Variants in ZNF718 observed in about 807,000 individuals in gnomAD.
The protein encoded by ZNF718 is zinc finger protein 718.
Under a neutral mutation model 2.6 loss-of-function variants are expected in ZNF718, and 3 were observed. The ratio of observed to expected loss-of-function variants is 1.16; its 90% CI spans 0.53 to 3.01. The LOEUF (loss-of-function observed/expected upper bound fraction) is 3.01, where lower values mean the gene tolerates loss of function less well. Among genes scored for constraint, ZNF718 ranks in the 30% most tolerant of loss-of-function variants. The probability of loss-of-function intolerance (pLI) is 0.03; values close to 1 mark genes in which losing one functional copy is unlikely to be tolerated. For synonymous variants in ZNF718, 135 were observed against 77.9 expected (o/e 1.73, Z -3.86); for missense variants, 468 against 230.0 (o/e 2.03, Z -6.69).
rs1414158061 is a variant in ZNF718 at position 127,294 on chromosome 4, C to T, written c.3+2621C>T. Among the ~76,000 whole-genome samples, 21 of 104,476 alleles carry T rather than the reference C, an allele frequency of 2.0e-4. 7 individuals carry two copies. Among genetic ancestry groups the T allele is most frequent in the Non-Finnish European group, 3.8e-4 (18 of 46,780 alleles). 68.5% of individuals were successfully genotyped at this position (104,476 alleles called of 152,430 possible). ...GCAAGGTGCTCCCCAAATCTGCAAACAAAATAGTCTCTCTATTTGGGATCT... is the reference window on the plus strand; with the variant it reads ...GCAAGGTGCTCCCCAAATCTGCAAATAAAATAGTCTCTCTATTTGGGATCT... On this transcript the variant is annotated intron_variant, in intron 1 of 3. Coordinates refer to ENST00000510175, the MANE Select transcript of ZNF718 (RefSeq NM_001039127.6).
At chr4:126,645 A>G (rs1486328519) in intron 1 of ZNF718, among the ~76,000 whole-genome samples, 1 of 150,410 alleles carries the variant, frequency 6.6e-6, no homozygotes, top group Non-Finnish European at 1.5e-5. Context: ...GAAATAATAA[A>G]CTGTGTAAAT....
chr4:184,315 G>A (rs1354228749), intron 3 of ZNF718, among the ~76,000 whole-genome samples: 7 of 152,178 alleles, frequency 4.6e-5, no homozygotes, highest in Admixed American at 2.0e-4. Context: ...CACATATATC[G>A]ATTTGTGTAT....
chr4:136,359 G>C, intron 3 of ZNF718: 1 of 520,194 alleles, frequency 1.9e-6, no homozygotes, highest in Non-Finnish European at 3.8e-6. Flanking sequence ...GAGATCTGTA[G>C]GCCTGCCTCC....
intron 3 of ZNF718, chr4:201,024 T>C (rs782762154): frequency 6.6e-6 from 1 of 152,260 alleles, no homozygotes; most frequent in Non-Finnish European, 1.5e-5. Flanking sequence ...GGTTTTAATA[T>C]TTGCCTTGTC....
intron 3 of ZNF718, among the ~76,000 whole-genome samples, chr4:173,651 T>TG (rs1373914434): frequency 6.6e-6 from 1 of 152,194 alleles, no homozygotes; most frequent in Non-Finnish European, 1.5e-5. Context: ...TCGCAGGTTT[T>TG]TACCCTATCC....
intron 3 of ZNF718, among the ~76,000 whole-genome samples, chr4:189,056 ATTATTTTT>A (rs1273430028): frequency 1.4e-5 from 2 of 138,994 alleles, no homozygotes; most frequent in African/African-American, 5.4e-5. Context: ...GAATCTGTAG[ATTATTTTT>A]TTTTTTTTTT....
intron 3 of ZNF718, among the ~76,000 whole-genome samples, chr4:175,468 AT>A (rs1717327488): frequency 6.6e-6 from 1 of 152,204 alleles, no homozygotes; most frequent in Non-Finnish European, 1.5e-5. Flanking sequence ...GAATGAGAGG[AT>A]AAGTAATGTT....
rs1447701840 is a variant in ZNF718, at chr4:162,969, A to G, written c.*847A>G. 6.6e-6 allele frequency: 1 copy of G among 152,198 alleles called. No individual in the cohort carries two copies. Among genetic ancestry groups the G allele is most frequent in the Admixed American group, 6.5e-5 (1 of 15,284 alleles). The allele number at this position is 152,198 out of a possible 1,614,324, so 9.4% of individuals were successfully genotyped here. On this transcript the variant is annotated 3_prime_UTR_variant, in exon 4 of 4. Coordinates refer to ENST00000510175, the MANE Select transcript of ZNF718 (RefSeq NM_001039127.6). ...AAAATTCCAAAGCTGAAACTGTTAG[A>G]TAATTTCTTTCTATATAAGTTGAAA...
At chr4:190,476 T>C (rs1461793791) in intron 3 of ZNF718, among the ~76,000 whole-genome samples, 3 of 131,602 alleles carry the variant, frequency 2.3e-5, no homozygotes, top group Admixed American at 7.4e-5. Flanking sequence ...ATGAGGAAAA[T>C]AGTAAATATA....
At chr4:159,212 A>C (rs1553814402) in intron 3 of ZNF718, among the ~76,000 whole-genome samples, 1 of 151,300 alleles carries the variant, frequency 6.6e-6, no homozygotes, top group Non-Finnish European at 1.5e-5. Flanking sequence ...ATTTTTTTGT[A>C]TTTTTAGTAG....
At chr4:124,702 G>T in intron 1 of ZNF718, 29 bp downstream of exon 1, 1 of 1,608,430 alleles carries the variant, frequency 6.2e-7, no homozygotes, top group Non-Finnish European at 8.5e-7. Context: ...GCGTCCCAAG[G>T]CTGTGGAGGC....
chr4:161,609 G>A lies in ZNF718; in HGVS notation c.924G>A (p.Glu308=). The change falls in exon 4 of 4, where the codon GAG becomes GAA. Residue 308 remains glutamate, a synonymous_variant. Transcript: ENST00000510175. ...AACATAAGAGAATTCATGCTGGAGA[G>A]AAACCCTTCTCATGCGAAGAATGTG... ...LNEHKRIHAG[E]KPFSCEECGN... is the part of the protein sequence containing the mutation. The A allele has an allele frequency of 6.4e-6, 5 of 780,546 alleles. No homozygotes were observed. Among genetic ancestry groups the A allele is most frequent in the Non-Finnish European group, 1.2e-5 (5 of 417,902 alleles). The allele number at this position is 780,546 out of a possible 1,614,324, so 48.4% of individuals were successfully genotyped here.
chr4:189,559 C>T (rs1366079971), intron 3 of ZNF718, among the ~76,000 whole-genome samples: 1 of 152,058 alleles, frequency 6.6e-6, no homozygotes, highest in Non-Finnish European at 1.5e-5. Flanking sequence ...GTTTTTTATA[C>T]AACACTATGG....
At chr4:131,914 G>A (rs1420617847) in intron 3 of ZNF718, among the ~76,000 whole-genome samples, 2,393 of 101,042 alleles carry the variant, frequency 0.024, 728 homozygotes, top group African/African-American at 0.077. Flanking sequence ...GTGTGGTGGC[G>A]GGCGCCTGTA....
chr4:158,318 A>T (rs1553814121), intron 3 of ZNF718, among the ~76,000 whole-genome samples: 2 of 151,974 alleles, frequency 1.3e-5, no homozygotes, highest in South Asian at 2.1e-4. Context: ...AATTGTTAAA[A>T]TTTTTTTATT....
At chr4:169,515 C>T (rs1257921464) in intron 3 of ZNF718, among the ~76,000 whole-genome samples, 6 of 152,116 alleles carry the variant, frequency 3.9e-5, no homozygotes, top group African/African-American at 1.2e-4. Flanking sequence ...TAACGACTTG[C>T]TTTATGAATC....
chr4:164,549 T>C (rs1224315979), downstream of ZNF718, among the ~76,000 whole-genome samples: 2 of 152,108 alleles, frequency 1.3e-5, no homozygotes, highest in Admixed American at 1.3e-4. Flanking sequence ...TTTCTCATAG[T>C]TTTTTGTTTT....
At chr4:157,813 A>G (rs1428950020) in intron 3 of ZNF718, among the ~76,000 whole-genome samples, 1 of 152,164 alleles carries the variant, frequency 6.6e-6, no homozygotes, top group Non-Finnish European at 1.5e-5. Context: ...TTCTGCTGTC[A>G]TTGAGCAGTG....
chr4:131,909 G>A lies in ZNF718; in HGVS notation c.226+404G>A, dbSNP rs1166445541. Reference sequence around the variant, plus strand: ...AAATACAAAAAATTAGCCGGGTGTGGTGGCGGGCGCCTGTAGTCCCAGCTA... The same window carrying A: ...AAATACAAAAAATTAGCCGGGTGTGATGGCGGGCGCCTGTAGTCCCAGCTA... On this transcript the variant is annotated intron_variant, in intron 3 of 3. Coordinates refer to ENST00000510175, the MANE Select transcript of ZNF718 (RefSeq NM_001039127.6). Among the ~76,000 whole-genome samples, 118 of 101,718 alleles carry A rather than the reference G, an allele frequency of 1.2e-3. 29 individuals carry two copies. Among genetic ancestry groups the A allele is most frequent in the African/African-American group, 3.8e-3 (112 of 29,254 alleles). 66.7% of individuals were successfully genotyped at this position (101,718 alleles called of 152,430 possible). A position where few individuals can be genotyped will look rare whatever the true frequency, so the allele number is the denominator to read the frequency against.
Sources: gnomAD v4.1 joint callset for allele counts (sites outside exome capture counted in the v4.1 genomes callset) on GRCh38, gnomAD v4.1.1 for gene constraint, MANE v1.5 for transcripts, NCBI Gene and HGNC (gene_info 2026-07-23, HGNC 2026-07-21) for gene names.